Variants in SVIL observed in about 807,000 individuals in gnomAD.
SVIL encodes the protein archvillin.
SVIL carries 101 observed loss-of-function variants against 240.4 expected under a neutral mutation model. The observed-to-expected ratio is 0.42, with a 90% CI of 0.36 to 0.50. The LOEUF (loss-of-function observed/expected upper bound fraction) is 0.50, where lower values mean the gene tolerates loss of function less well. Among genes scored for constraint, SVIL ranks in the 20% least tolerant of loss-of-function variants. The pLI is 0.01. For synonymous variants in SVIL, 999 were observed against 1,100.0 expected (o/e 0.91, Z 1.82); for missense variants, 2,512 against 2,818.7 (o/e 0.89, Z 2.46).
chr10:29,621,235 G>C (rs186736139), intron 1 of SVIL, among the ~76,000 whole-genome samples: 1 of 152,322 alleles, frequency 6.6e-6, no homozygotes, highest in Admixed American at 6.5e-5. Flanking sequence ...ACTTGCCTGT[G>C]GTATTCTGTA....
At chr10:29,610,375 T>C (rs554247612) in intron 1 of SVIL, among the ~76,000 whole-genome samples, 1 of 151,980 alleles carries the variant, frequency 6.6e-6, no homozygotes, top group Admixed American at 6.6e-5. Context: ...GGTTTGCCAT[T>C]GTCCATAAAC....
At chr10:29,535,257 G>C (rs1951659958) in intron 7 of SVIL, among the ~76,000 whole-genome samples, 3 of 130,446 alleles carry the variant, frequency 2.3e-5, no homozygotes, top group Admixed American at 2.3e-4. Flanking sequence ...CCAGAGATGA[G>C]CCAGTGTTGG....
At position 29,575,770 on chromosome 10, in the gene SVIL, C is replaced by T. The variant is rs538665361; in HGVS notation, c.-200-6458G>A. Among the ~76,000 whole-genome samples, 9 of 152,242 alleles carry T rather than the reference C, an allele frequency of 5.9e-5. No individual in the cohort carries two copies. In the South Asian group the frequency reaches 1.2e-3, roughly 21 times the overall value. On this transcript the variant is annotated intron_variant, in intron 1 of 37. Coordinates refer to ENST00000355867, the MANE Select transcript of SVIL (RefSeq NM_021738.3). ...TTCAGACAACAAGAATATCATGACACGGTTTTCTCAATAACTGACAGACAC... is the reference window on the plus strand; with the variant it reads ...TTCAGACAACAAGAATATCATGACATGGTTTTCTCAATAACTGACAGACAC...
At chr10:29,468,302 A>C (rs1257801013) in intron 32 of SVIL, among the ~76,000 whole-genome samples, 4 of 152,162 alleles carry the variant, frequency 2.6e-5, no homozygotes, top group African/African-American at 4.8e-5. Flanking sequence ...ATCAATACTG[A>C]ATTCTTTTTT....
intron 2 of SVIL, among the ~76,000 whole-genome samples, chr10:29,672,274 A>G (rs1180273772): frequency 6.6e-6 from 1 of 152,226 alleles, no homozygotes; most frequent in Non-Finnish European, 1.5e-5. Flanking sequence ...TGTATGGTCC[A>G]CAAAACCTGA....
In SVIL at chr10:29,458,581, T is replaced by C. The variant is rs553657024; in HGVS notation, c.6411A>G (p.Glu2137=). The change falls in exon 37 of 38, where the codon GAA becomes GAG. Residue 2137 remains glutamate, a synonymous_variant. Transcript: ENST00000355867. ...DIAEITEMDT[E]VSNQITLVED... ...CCACGAGGGTGATCTGATTGGAAACTTCCGTGTCCTAGAGAAGAGGAGGGG... is the reference window on the plus strand; with the variant it reads ...CCACGAGGGTGATCTGATTGGAAACCTCCGTGTCCTAGAGAAGAGGAGGGG... 10 of 1,612,478 alleles carry C rather than the reference T, an allele frequency of 6.2e-6. No homozygotes were observed. The Admixed American group carries it at 1.7e-4, about 27-fold the overall frequency.
Position 29,523,660 on chromosome 10 carries a change from C to A in SVIL, c.2954G>T (p.Gly985Val). The change falls in exon 15 of 38, where the codon GGA (glycine) becomes GTA (valine). Residue 985 changes from glycine (G) to valine (V), a missense_variant. Physicochemically the swap from Gly to Val is moderately radical, Grantham distance 109. Around this residue, in one of 3 missense-constraint regions of SVIL, gnomAD observed 1,443 missense variants for 1,486.6 expected, o/e 0.97. Coordinates refer to ENST00000355867, the MANE Select transcript of SVIL (RefSeq NM_021738.3). ...SYPILNRARE[G>V]DSHKESKYAV... ...ATATTTAGATTCCTTATGGCTGTCT[C>A]CTTCCCTGGCTCGGTTCAGGATGGG... is the stretch of plus-strand genomic sequence containing the variant. The A allele has an allele frequency of 6.2e-7, 1 of 1,614,092 alleles. No individual in the cohort carries two copies. Among genetic ancestry groups the A allele is most frequent in the Non-Finnish European group, 8.5e-7 (1 of 1,179,974 alleles).
At chr10:29,719,682 C>G (rs1180311512) in intron 1 of SVIL, among the ~76,000 whole-genome samples, 6 of 152,082 alleles carry the variant, frequency 3.9e-5, no homozygotes, top group Admixed American at 3.9e-4. Flanking sequence ...GCGAGATGAA[C>G]AGTAGACTGG....
At chr10:29,661,161 G>A (rs1314067479) in intron 2 of SVIL, among the ~76,000 whole-genome samples, 2 of 142,834 alleles carry the variant, frequency 1.4e-5, no homozygotes, top group East Asian at 2.2e-4. Context: ...GCAAGACACC[G>A]TCTCACAAGA....
intron 1 of SVIL, among the ~76,000 whole-genome samples, chr10:29,632,840 AACAC>A (rs3030634): frequency 0.8 from 120,313 of 150,854 alleles, 48,156 homozygotes; most frequent in Non-Finnish European, 0.83. Context: ...AATTATCTTT[AACAC>A]ACACACACAC....
intron 1 of SVIL, among the ~76,000 whole-genome samples, chr10:29,619,838 C>G (rs1957563303): frequency 6.6e-6 from 1 of 152,250 alleles, no homozygotes; most frequent in South Asian, 2.1e-4. Context: ...AATATTATGA[C>G]AAACTACATT....
chr10:29,696,297 C>T lies in SVIL; in HGVS notation c.-399-9646G>A, dbSNP rs868684580. ...GGAGTGCAGTGGCATGATCTCGGCT[C>T]GCTATGGCCTCCACCTCCCAGCCGC... On this transcript the variant is annotated intron_variant, in intron 1 of 35. Transcript: ENST00000375400. Among the ~76,000 whole-genome samples, 139 of 149,676 alleles carry T rather than the reference C, an allele frequency of 9.3e-4. No homozygotes were observed. In the East Asian group the frequency reaches 0.011, roughly 12 times the overall value.
chr10:29,548,801 G>T (rs902912193), intron 6 of SVIL, among the ~76,000 whole-genome samples: 90 of 152,280 alleles, frequency 5.9e-4, no homozygotes, highest in East Asian at 1.2e-3. Context: ...ACAATCATCA[G>T]TCTCTGATAT....
chr10:29,526,682 A>G (rs573965213), intron 13 of SVIL, among the ~76,000 whole-genome samples: 1 of 152,360 alleles, frequency 6.6e-6, no homozygotes, highest in African/African-American at 2.4e-5. Flanking sequence ...AGGGATGACC[A>G]TTATTATGAA....
At chr10:29,688,002 A>ATAGT (rs1453996104) in intron 1 of SVIL, among the ~76,000 whole-genome samples, 1 of 152,174 alleles carries the variant, frequency 6.6e-6, no homozygotes, top group African/African-American at 2.4e-5. Flanking sequence ...AGCATTGCAA[A>ATAGT]TAGTTCACAC....
Position 29,735,585 on chromosome 10 carries a change from G to C in SVIL, c.-400+166C>G, listed in dbSNP as rs972673936. Reference sequence around the variant, plus strand: ...CGGGCACCCGCCGGCCTCCACCCCCGGGAGGCGCCCCCGTTCCCGCTTCGG... The same window carrying C: ...CGGGCACCCGCCGGCCTCCACCCCCCGGAGGCGCCCCCGTTCCCGCTTCGG... On this transcript the variant is annotated intron_variant, in intron 1 of 35. Coordinates refer to the SVIL transcript ENST00000375400. This position sits in a 1 kb window ranked among gnomAD's most constrained non-coding sequence, Gnocchi z 4.1. 2.0e-5 allele frequency among the ~76,000 whole-genome samples: 3 copies of C among 150,858 alleles called. No individual in the cohort carries two copies. The East Asian group carries it at 5.9e-4, about 30-fold the overall frequency.
chr10:29,571,861 A>G lies in SVIL; in HGVS notation c.-200-2549T>C, dbSNP rs200679762. ...ACGAGTAGCTTGCTCCTGGATAGAC[A>G]ACTGTTTGGTGATGGAGCTATGGGA... On this transcript the variant is annotated intron_variant, in intron 1 of 37. Transcript: ENST00000355867. Among the ~76,000 whole-genome samples the G allele has an allele frequency of 1.2e-4, 19 of 152,280 alleles. No homozygotes were observed. The East Asian group carries it at 3.1e-3, about 25-fold the overall frequency.
intron 6 of SVIL, among the ~76,000 whole-genome samples, chr10:29,538,542 C>A (rs1346750691): frequency 2.0e-5 from 3 of 152,198 alleles, no homozygotes; most frequent in African/African-American, 7.2e-5. Context: ...TTCTCCTGGG[C>A]CGGTGGTGTG....
intron 3 of SVIL, among the ~76,000 whole-genome samples, chr10:29,652,605 G>T (rs1055783536): frequency 2.6e-5 from 4 of 152,102 alleles, no homozygotes; most frequent in Non-Finnish European, 5.9e-5. Context: ...TGGATATATT[G>T]GGTTATAAAA....
Sources: allele counts gnomAD v4.1 joint callset (sites outside exome capture counted in the v4.1 genomes callset), GRCh38; gene constraint gnomAD v4.1.1; regional missense constraint gnomAD v4.1.1; non-coding constraint Gnocchi (gnomAD v3.1); transcripts MANE v1.5; gene names NCBI Gene and HGNC (gene_info 2026-07-23, HGNC 2026-07-21).